Variants in AFF1 observed in about 807,000 individuals in gnomAD.
AFF1 encodes ALF transcription elongation factor 1.
AFF1 carries 48 observed loss-of-function variants against 121.7 expected under a neutral mutation model. The observed-to-expected ratio is 0.39, with a 90% CI of 0.31 to 0.50. The LOEUF (loss-of-function observed/expected upper bound fraction) is 0.50, where lower values mean the gene tolerates loss of function less well. Among genes scored for constraint, AFF1 ranks in the 20% least tolerant of loss-of-function variants. AFF1 has a pLI of 0.76. For synonymous variants in AFF1, 613 were observed against 563.0 expected, an observed-to-expected ratio of 1.09 and a Z score of -1.26; for missense variants, 1,523 against 1,511.7, an observed-to-expected ratio of 1.01 and a Z score of -0.12.
chr4:87,135,932 T>TTCTAACTTG lies in AFF1; in HGVS notation c.*233_*234insTAACTTGTC. 1.8e-6 allele frequency: 1 copy of TTCTAACTTG among 552,684 alleles called. No homozygotes were observed. Among genetic ancestry groups the TTCTAACTTG allele is most frequent in the Non-Finnish European group, 2.8e-6 (1 of 357,550 alleles). The allele number at this position is 552,684 out of a possible 1,614,324, so 34.2% of individuals were successfully genotyped here. A position where few individuals can be genotyped will look rare whatever the true frequency, so the allele number is the denominator to read the frequency against. On this transcript the variant is annotated 3_prime_UTR_variant, in exon 21 of 21. Coordinates refer to ENST00000395146, the MANE Select transcript of AFF1 (RefSeq NM_001166693.3). ...GCTGGCCCCAGAGATGATCTTGCCC[T>TTCTAACTTG]TCCTAACTAAAGGACAGAAGTGCAA...
intron 3 of AFF1, among the ~76,000 whole-genome samples, 193 bp from the exon 4 acceptor site, chr4:87,046,502 A>G (rs578111680): frequency 3.9e-4 from 60 of 152,354 alleles, no homozygotes; most frequent in African/African-American, 1.4e-3. Context: ...TTGTAATGCT[A>G]GTCTTCTACA....
Position 87,072,381 on chromosome 4 carries a change from AAT to A in AFF1, c.1060-11738_1060-11737del, listed in dbSNP as rs1413802103. On this transcript the variant is annotated intron_variant, in intron 4 of 20. Transcript: ENST00000395146. Reference sequence around the variant, plus strand: ...CCGTCTCAAAAAAAAAAAAAAAAAAAATTTAAATTCAGAAGGCATTAAGAGGA... The same window carrying A: ...CCGTCTCAAAAAAAAAAAAAAAAAAATTAAATTCAGAAGGCATTAAGAGGA... 4.1e-3 allele frequency among the ~76,000 whole-genome samples: 619 copies of A among 149,872 alleles called. 4 individuals are homozygous for A. The highest frequency in any genetic ancestry group is 0.015 in the African/African-American group (587 of 40,126).
intron 2 of AFF1, among the ~76,000 whole-genome samples, chr4:87,018,268 C>T (rs1045580012): frequency 2.0e-5 from 3 of 152,170 alleles, no homozygotes; most frequent in African/African-American, 4.8e-5. Context: ...ACAAGGAGCT[C>T]ATAGTTTGGT....
rs1416743795 is a variant in AFF1 at position 87,091,808 on chromosome 4, A to G, written c.1207A>G (p.Ser403Gly). The part of the protein sequence containing the change: ...PFPTKDSQHV[S>G]SVTQNQKQYD... ...TTCTTTCTAGGACTCTCAGCATGTC[A>G]GTTCTGTAACCCAAAACCAAAGTAA... The change falls in exon 7 of 21, where the codon AGT (serine) becomes GGT (glycine). Residue 403 changes from serine (S) to glycine (G), a missense_variant. By Grantham distance (56) the Ser-to-Gly change is moderately conservative. Coordinates refer to ENST00000395146, the MANE Select transcript of AFF1 (RefSeq NM_001166693.3). 1 of 1,559,622 alleles carries G rather than the reference A, an allele frequency of 6.4e-7. No homozygotes were observed. Among genetic ancestry groups the G allele is most frequent in the Non-Finnish European group, 8.7e-7 (1 of 1,153,690 alleles).
chr4:87,075,692 T>A (rs1428871074), intron 4 of AFF1, among the ~76,000 whole-genome samples: 1 of 152,204 alleles, frequency 6.6e-6, no homozygotes, highest in African/African-American at 2.4e-5. Context: ...AACATCTGAT[T>A]AGGTGGTAGT....
intron 11 of AFF1, among the ~76,000 whole-genome samples, chr4:87,112,727 T>C (rs1444426827): frequency 6.6e-6 from 1 of 152,236 alleles, no homozygotes; most frequent in African/African-American, 2.4e-5. Flanking sequence ...GTGTTCTCCT[T>C]ATCTATAATC....
At chr4:87,038,026 A>G (rs1032736724) in intron 2 of AFF1, among the ~76,000 whole-genome samples, 3 of 152,226 alleles carry the variant, frequency 2.0e-5, no homozygotes, top group South Asian at 4.1e-4. Flanking sequence ...TGTGGCAAAC[A>G]GAAGTGAGTA....
intron 6 of AFF1, among the ~76,000 whole-genome samples, chr4:87,091,118 T>G (rs1724261367): frequency 6.6e-6 from 1 of 151,056 alleles, no homozygotes. Context: ...AAAATGTAAC[T>G]CATGGACCGG....
chr4:86,949,975 G>A (rs990575965), intron 2 of AFF1: 7 of 1,614,026 alleles, frequency 4.3e-6, no homozygotes, highest in East Asian at 2.2e-5. Context: ...AGAAGTTGCC[G>A]AGCTGGCAGA....
chr4:87,007,611 A>G (rs1446531620), intron 2 of AFF1, among the ~76,000 whole-genome samples: 3 of 152,190 alleles, frequency 2.0e-5, no homozygotes, highest in Non-Finnish European at 4.4e-5. Flanking sequence ...CATGCTGGAC[A>G]ATTTCTGCAC....
rs77037468 is a variant in AFF1 at position 87,011,407 on chromosome 4, T to C, written c.39-34759T>C. Among the ~76,000 whole-genome samples the C allele has an allele frequency of 7.4e-3, 1,129 of 152,096 alleles. 18 individuals carry two copies. Among genetic ancestry groups the C allele is most frequent in the African/African-American group, 0.026 (1,062 of 41,344 alleles). On this transcript the variant is annotated intron_variant, in intron 2 of 20. Coordinates refer to ENST00000395146, the MANE Select transcript of AFF1 (RefSeq NM_001166693.3). ...ATGAAGCTGGTTTTTGGTGGATCTC[T>C]TTGACTCTAGGGAGGGAAAGTTTTC...
Position 87,047,232 on chromosome 4 carries a change from G to A in AFF1, c.697G>A (p.Gly233Arg). 1 of 1,614,174 alleles carries A rather than the reference G, an allele frequency of 6.2e-7. No individual in the cohort carries two copies. The highest frequency in any genetic ancestry group is 8.5e-7 in the Non-Finnish European group (1 of 1,180,040). ...CCAGCAAACTCTTCCCCGGACGCAAGGAAGCAGCAAGGTTCATGGCAGCAG... is the reference window on the plus strand; with the variant it reads ...CCAGCAAACTCTTCCCCGGACGCAAAGAAGCAGCAAGGTTCATGGCAGCAG... The part of the protein sequence containing the change: ...SNQQTLPRTQ[G>R]SSKVHGSSNN... The change falls in exon 4 of 21, where the codon GGA (glycine) becomes AGA (arginine). Residue 233 changes from glycine to arginine, a missense_variant. Coordinates refer to ENST00000395146, the MANE Select transcript of AFF1 (RefSeq NM_001166693.3).
intron 2 of AFF1, among the ~76,000 whole-genome samples, chr4:86,955,779 G>A (rs1721694955): frequency 6.6e-6 from 1 of 152,158 alleles, no homozygotes; most frequent in Non-Finnish European, 1.5e-5. Flanking sequence ...GAGATTTGCT[G>A]AGATGCTTTT....
chr4:87,050,939 A>G (rs901664728), intron 4 of AFF1, among the ~76,000 whole-genome samples: 3 of 152,358 alleles, frequency 2.0e-5, no homozygotes, highest in East Asian at 1.9e-4. Context: ...GCTCATGCAC[A>G]TGGACCCCGA....
intron 2 of AFF1, among the ~76,000 whole-genome samples, chr4:87,016,728 C>T (rs28396892): frequency 0.14 from 21,952 of 152,074 alleles, 1,987 homozygotes; most frequent in East Asian, 0.21. Context: ...AATCCCGGTC[C>T]CCAGCCCCAC....
At chr4:86,953,714 CTTTTCTT>C (rs1176599985) in intron 2 of AFF1, among the ~76,000 whole-genome samples, 5 of 151,500 alleles carry the variant, frequency 3.3e-5, no homozygotes, top group Middle Eastern at 3.4e-3. Context: ...AGTGCATTTT[CTTTTCTT>C]TTTTCTTTTT....
chr4:87,119,414 G>GA (rs545359896), intron 12 of AFF1, among the ~76,000 whole-genome samples: 151 of 146,974 alleles, frequency 1.0e-3, no homozygotes, highest in Middle Eastern at 3.5e-3. Flanking sequence ...CACTGTCTCT[G>GA]AAAAAAAAAA....
chr4:87,023,278 T>G (rs1728212769), intron 2 of AFF1, among the ~76,000 whole-genome samples: 1 of 152,152 alleles, frequency 6.6e-6, no homozygotes, highest in Admixed American at 6.5e-5. Flanking sequence ...TAGTTTTTGT[T>G]TTTTGGTGTC....
intron 2 of AFF1, among the ~76,000 whole-genome samples, chr4:87,001,207 CTTTTTTTTTT>C (rs34072831): frequency 2.5e-4 from 15 of 60,300 alleles, no homozygotes; most frequent in Admixed American, 6.6e-4. Context: ...CCTTTTTCTA[CTTTTTTTTTT>C]TTTTTTTTTT....
Sources: allele counts gnomAD v4.1 joint callset (sites outside exome capture counted in the v4.1 genomes callset), GRCh38; gene constraint gnomAD v4.1.1; transcripts MANE v1.5; gene names NCBI Gene and HGNC (gene_info 2026-07-23, HGNC 2026-07-21).